The following PALMD variants were observed in gnomAD, a reference collection of about 807,000 sequenced individuals.
PALMD encodes the protein paralemmin-like protein.
PALMD carries 42 observed loss-of-function variants against 56.2 expected under a neutral mutation model. The ratio of observed to expected loss-of-function variants is 0.75; its 90% confidence interval spans 0.58 to 0.97. PALMD has a LOEUF of 0.97. Ranked by LOEUF, PALMD falls within the 50% of genes least tolerant of loss-of-function variation. PALMD has a pLI of 0.00. For missense variants in PALMD, 660 were observed against 643.8 expected, an observed-to-expected ratio of 1.03 and a Z score of -0.27; for synonymous variants, 242 against 222.9, an observed-to-expected ratio of 1.09 and a Z score of -0.76.
intron 1 of PALMD, among the ~76,000 whole-genome samples, chr1:99,650,285 GAAAAAAAAAAAAAAAAAAAAAAA>G (rs200081370): frequency 1.7e-5 from 2 of 116,964 alleles, no homozygotes; most frequent in African/African-American, 3.7e-5. Flanking sequence ...TGCTCATAAT[GAAAAAAAAAAAAAAAAAAAAAAA>G]AAAAAAAAAA....
At chr1:99,660,973 T>G (rs941614155) in intron 1 of PALMD, among the ~76,000 whole-genome samples, 10 of 152,200 alleles carry the variant, frequency 6.6e-5, no homozygotes, top group African/African-American at 2.4e-4. Context: ...TGGAGAGCAA[T>G]ATGTTGCTTT....
At chr1:99,655,687 T>G (rs935080993) in intron 1 of PALMD, among the ~76,000 whole-genome samples, 2 of 152,190 alleles carry the variant, frequency 1.3e-5, no homozygotes, top group African/African-American at 4.8e-5. Context: ...CCCCCTGAAA[T>G]GAAACCCATC....
intron 3 of PALMD, among the ~76,000 whole-genome samples, chr1:99,671,622 C>T (rs1333993191): frequency 6.6e-6 from 1 of 152,150 alleles, no homozygotes; most frequent in Non-Finnish European, 1.5e-5. Context: ...TTGGAGTAAA[C>T]TGAGAATACC....
At chr1:99,651,206 G>A (rs774034332) in intron 1 of PALMD, among the ~76,000 whole-genome samples, 1 of 152,298 alleles carries the variant, frequency 6.6e-6, no homozygotes, top group South Asian at 2.1e-4. Context: ...GAGAGGGAAA[G>A]GTTTCTTCAA....
chr1:99,667,865 A>C, intron 3 of PALMD, 99 bp downstream of exon 3: 2 of 1,129,896 alleles, frequency 1.8e-6, no homozygotes, highest in South Asian at 1.5e-5. Context: ...GCATAATCAA[A>C]TCTTCCATTT....
chr1:99,676,979 G>C (rs1355830251), intron 3 of PALMD, among the ~76,000 whole-genome samples: 1 of 152,152 alleles, frequency 6.6e-6, no homozygotes, highest in Non-Finnish European at 1.5e-5. Context: ...AAAGTCAACT[G>C]TATGTACTCA....
chr1:99,666,652 A>G (rs1192610265), intron 2 of PALMD, among the ~76,000 whole-genome samples: 1 of 152,190 alleles, frequency 6.6e-6, no homozygotes, highest in Non-Finnish European at 1.5e-5. Context: ...TGAATAACTG[A>G]ACAAATAATT....
intron 3 of PALMD, among the ~76,000 whole-genome samples, chr1:99,676,801 G>T (rs80169014): frequency 1.3e-5 from 2 of 151,874 alleles, no homozygotes; most frequent in South Asian, 2.1e-4. Flanking sequence ...GAAAAAAAAA[G>T]CTCACCTTCT....
At chr1:99,656,862 G>A (rs968991202) in intron 1 of PALMD, among the ~76,000 whole-genome samples, 12 of 152,156 alleles carry the variant, frequency 7.9e-5, no homozygotes, top group East Asian at 3.8e-4. Context: ...CATTTGGACC[G>A]TAGGATCACT....
At chr1:99,675,455 T>C (rs1362514222) in intron 3 of PALMD, among the ~76,000 whole-genome samples, 1 of 152,212 alleles carries the variant, frequency 6.6e-6, no homozygotes, top group Non-Finnish European at 1.5e-5. Flanking sequence ...TGCCATGTCC[T>C]GGCCACAACA....
At position 99,679,573 on chromosome 1, in the gene PALMD, T is replaced by C. The variant is rs535365826; in HGVS notation, c.252-7103T>C. ...AAGATTAGGACAGAAATATTACCTT[T>C]GTATATAATGGGTCAACACGTTTAC... On this transcript the variant is annotated intron_variant, in intron 3 of 7. Transcript: ENST00000263174. Among the ~76,000 whole-genome samples, 18 of 152,298 alleles carry C rather than the reference T, an allele frequency of 1.2e-4. No individual in the cohort carries two copies. In the South Asian group the frequency reaches 3.7e-3, roughly 32 times the overall value.
chr1:99,673,566 G>C (rs559556786), intron 3 of PALMD, among the ~76,000 whole-genome samples: 1 of 152,150 alleles, frequency 6.6e-6, no homozygotes, highest in East Asian at 1.9e-4. Flanking sequence ...ATTATTCTAA[G>C]GTAATTACAT....
Position 99,687,103 on chromosome 1 carries a change from T to C in PALMD, c.428T>C (p.Ile143Thr), listed in dbSNP as rs1347906071. The C allele has an allele frequency of 6.2e-7, 1 of 1,602,496 alleles. No homozygotes were observed. The highest frequency in any genetic ancestry group is 2.2e-5 in the East Asian group (1 of 44,706). ...EESIEDIYAN[I>T]PDLPKSYIPS... ...TCAATTGAGGACATCTATGCTAATA[T>C]CCCTGACCTTCCAAAGTCCTACATA... is the stretch of plus-strand genomic sequence containing the variant. The change falls in exon 6 of 8, where the codon ATC becomes ACC. Residue 143 changes from isoleucine to threonine, a missense_variant. Ile to Thr is a moderately conservative substitution (Grantham distance 89). Coordinates refer to ENST00000263174, the MANE Select transcript of PALMD (RefSeq NM_017734.5).
chr1:99,650,948 G>A (rs1342915311), intron 1 of PALMD, among the ~76,000 whole-genome samples: 1 of 152,158 alleles, frequency 6.6e-6, no homozygotes, highest in Non-Finnish European at 1.5e-5. Flanking sequence ...AGAGCTCTAA[G>A]GAATTCTTAA....
At chr1:99,691,531 G>A (rs1161953769) in intron 7 of PALMD, among the ~76,000 whole-genome samples, 1 of 152,134 alleles carries the variant, frequency 6.6e-6, no homozygotes, top group African/African-American at 2.4e-5. Flanking sequence ...CTTCCACCAT[G>A]ATATTGTTTT....
chr1:99,691,494 A>T (rs1322479032), intron 7 of PALMD, among the ~76,000 whole-genome samples: 1 of 152,224 alleles, frequency 6.6e-6, no homozygotes, highest in Non-Finnish European at 1.5e-5. Context: ...AAAGTATCTT[A>T]TAAACAGAAT....
rs554113564 is a variant in PALMD at position 99,675,923 on chromosome 1, A to C, written c.251+8157A>C. ...CCATAAGATAATTATTAATATTTGC[A>C]GAGTTATATTAGGAGATGAGATTCA... On this transcript the variant is annotated intron_variant, in intron 3 of 7. Transcript: ENST00000263174. Among the ~76,000 whole-genome samples the C allele has an allele frequency of 8.7e-4, 133 of 152,306 alleles. 2 individuals are homozygous for C. The highest frequency in any genetic ancestry group is 2.9e-3 in the African/African-American group (121 of 41,588).
chr1:99,686,828 CA>C, intron 4 of PALMD, 38 bp downstream of exon 4: 1 of 1,360,646 alleles, frequency 7.3e-7, no homozygotes, highest in Non-Finnish European at 1.0e-6. Flanking sequence ...AATTCTCTCT[CA>C]AAATGAATCC....
rs909385096 is a variant in PALMD, at chr1:99,694,068, G to C, written c.*6G>C. The stretch of plus-strand genomic sequence containing the variant: ...TGGGAAAAAAGGTGATCTAAGAGTT[G>C]TACCACCTATATAAACATCCTTTGA... On this transcript the variant is annotated 3_prime_UTR_variant, in exon 8 of 8. Transcript: ENST00000263174. 2 of 1,572,094 alleles carry C rather than the reference G, an allele frequency of 1.3e-6. No homozygotes were observed. The highest frequency in any genetic ancestry group is 1.4e-5 in the African/African-American group (1 of 73,884).
Sources: allele counts gnomAD v4.1 joint callset (sites outside exome capture counted in the v4.1 genomes callset), GRCh38; gene constraint gnomAD v4.1.1; transcripts MANE v1.5; gene names NCBI Gene and HGNC (gene_info 2026-07-23, HGNC 2026-07-21).